The following RANGAP1 variants were observed in gnomAD, a reference collection of about 807,000 sequenced individuals.
The protein encoded by RANGAP1 is Ran GTPase activating protein 1.
A neutral mutation model predicts 63.5 loss-of-function variants in RANGAP1; 38 were observed. The observed-to-expected ratio is 0.60, with a 90% confidence interval of 0.46 to 0.78. RANGAP1 has a LOEUF of 0.78. Among genes scored for constraint, RANGAP1 ranks in the 30% least tolerant of loss-of-function variants. The probability of loss-of-function intolerance (pLI) is 0.00; values close to 1 mark genes in which losing one functional copy is unlikely to be tolerated. For missense variants in RANGAP1, 630 were observed against 740.3 expected (o/e 0.85, Z 1.73); for synonymous variants, 329 against 310.5 (o/e 1.06, Z -0.63).
chr22:41,256,627 GC>G, intron 8 of RANGAP1, 83 bp downstream of exon 8: 1 of 1,211,412 alleles, frequency 8.3e-7, no homozygotes, highest in Non-Finnish European at 1.2e-6. Flanking sequence ...AGGCCCACCT[GC>G]CTTCAGACCA....
At chr22:41,274,859 G>T in intron 2 of RANGAP1, 132 bp from the exon 3 acceptor site, 1 of 1,174,816 alleles carries the variant, frequency 8.5e-7, no homozygotes, top group Non-Finnish European at 1.2e-6. Context: ...TTGGCTTACA[G>T]AGAATCAGAC....
At chr22:41,297,480 G>A in the RANGAP1 span, among the ~76,000 whole-genome samples, 1 of 151,380 alleles carries the variant, frequency 6.6e-6, no homozygotes, top group Admixed American at 6.6e-5. Context: ...CACATCATGA[G>A]CCATCACAGA....
the RANGAP1 span, among the ~76,000 whole-genome samples, chr22:41,301,215 A>C: frequency 4.3e-3 from 650 of 151,758 alleles, 3 homozygotes; most frequent in Non-Finnish European, 7.5e-3. Flanking sequence ...CCATGAAAGC[A>C]CCTGGAAGCC....
chr22:41,301,031 C>T, the RANGAP1 span, among the ~76,000 whole-genome samples: 1 of 152,224 alleles, frequency 6.6e-6, no homozygotes, highest in Non-Finnish European at 1.5e-5. Context: ...GTGGTCCCTA[C>T]ACCCATCATG....
chr22:41,266,406 A>C (rs1472771974), intron 4 of RANGAP1, among the ~76,000 whole-genome samples: 1 of 152,248 alleles, frequency 6.6e-6, no homozygotes, highest in Non-Finnish European at 1.5e-5. Context: ...AAAAGAAAAC[A>C]AAAACCAAAA....
At chr22:41,264,515 C>T in intron 5 of RANGAP1, 149 bp downstream of exon 5, 1 of 1,078,566 alleles carries the variant, frequency 9.3e-7, no homozygotes, top group Non-Finnish European at 1.3e-6. Context: ...CCTCTACCCT[C>T]CGGCCACAGG....
rs542377472 is a variant in RANGAP1 at position 41,275,230 on chromosome 22, C to T, written c.113-503G>A. Among the ~76,000 whole-genome samples the T allele has an allele frequency of 1.5e-4, 23 of 152,306 alleles. No homozygotes were observed. In the East Asian group the frequency reaches 3.3e-3, roughly 22 times the overall value. On this transcript the variant is annotated intron_variant, in intron 2 of 15. Coordinates refer to ENST00000356244, the MANE Select transcript of RANGAP1 (RefSeq NM_002883.4). The stretch of plus-strand genomic sequence containing the variant: ...ACAGAAGACCCAGTGCAGTGGCTCA[C>T]GCCTGTAATCCCAGTACTTTGGGAG...
intron 12 of RANGAP1, among the ~76,000 whole-genome samples, chr22:41,252,521 C>T (rs2033531104): frequency 6.6e-6 from 1 of 152,086 alleles, no homozygotes; most frequent in Non-Finnish European, 1.5e-5. Context: ...TCCAAAGGAG[C>T]CCTGGGCAAC....
rs200548054 is a variant in RANGAP1, at chr22:41,261,473, G to A, written c.588C>T (p.Gly196=). 6.8e-6 allele frequency: 11 copies of A among 1,614,206 alleles called. No individual in the cohort carries two copies. The highest frequency in any genetic ancestry group is 3.3e-5 in the South Asian group (3 of 91,090). Residue 196 remains glycine, a synonymous_variant, in exon 6 of 16, where the codon GGC becomes GGT. Transcript: ENST00000356244. ...VAGRNRLEND[G]ATALAEAFRV... The stretch of plus-strand genomic sequence containing the variant: ...TAAAAGCTTCTGCCAAGGCAGTGGC[G>A]CCATCATTCTCCAGACGGTTTCTGC...
intron 2 of RANGAP1, among the ~76,000 whole-genome samples, chr22:41,278,826 CCCCGTCTCTA>C (rs2035309476): frequency 6.6e-6 from 1 of 152,162 alleles, no homozygotes; most frequent in Non-Finnish European, 1.5e-5. Context: ...CATGGCAAAA[CCCCGTCTCTA>C]CTAAAAATAC....
intron 4 of RANGAP1, 40 bp from the exon 5 acceptor site, chr22:41,264,883 C>T (rs1217880286): frequency 6.4e-7 from 1 of 1,569,362 alleles, no homozygotes; most frequent in Non-Finnish European, 8.7e-7. Flanking sequence ...CATAGACACC[C>T]AGCTTCTGTG....
At chr22:41,247,010 T>A (rs1327351938) in intron 15 of RANGAP1, among the ~76,000 whole-genome samples, 1 of 152,210 alleles carries the variant, frequency 6.6e-6, no homozygotes, top group East Asian at 1.9e-4. Context: ...ATCTGGATCA[T>A]AAGTAAATGG....
chr22:41,249,347 C>A lies in RANGAP1; in HGVS notation c.1677G>T (p.Leu559=). 6.2e-7 allele frequency: 1 copy of A among 1,607,866 alleles called. No individual in the cohort carries two copies. Among genetic ancestry groups the A allele is most frequent in the South Asian group, 1.1e-5 (1 of 90,402 alleles). The change falls in exon 15 of 16, where the codon CTG becomes CTT. Residue 559 remains leucine, a synonymous_variant. Coordinates refer to ENST00000356244, the MANE Select transcript of RANGAP1 (RefSeq NM_002883.4). The part of the protein sequence containing the change: ...DYFPKALAPL[L]LAFVTKPNSA... ...ACACTCACTTGGTCACGAACGCCAGCAGCAGGGGTGCAAGGGCCTTGGGGA... is the reference window on the plus strand; with the variant it reads ...ACACTCACTTGGTCACGAACGCCAGAAGCAGGGGTGCAAGGGCCTTGGGGA...
At position 41,257,895 on chromosome 22, in the gene RANGAP1, G is replaced by A. The variant is rs2033937577; in HGVS notation, c.774+53C>T. ...GAGCCCCAGCTTCCCTGGAAAGACA[G>A]CAGCCAGCCTCTATCTGGCGGGGCC... is the stretch of plus-strand genomic sequence containing the variant. On this transcript the variant is annotated intron_variant, in intron 7 of 15. Coordinates refer to ENST00000356244, the MANE Select transcript of RANGAP1 (RefSeq NM_002883.4). The surrounding 1 kb of genome is among the most constrained non-coding windows in gnomAD (Gnocchi z 4.0). 3 of 1,533,728 alleles carry A rather than the reference G, an allele frequency of 2.0e-6. No individual in the cohort carries two copies. The highest frequency in any genetic ancestry group is 1.4e-5 in the African/African-American group (1 of 73,032).
chr22:41,271,564 GGCACCCGTA>G (rs2034830800), intron 3 of RANGAP1, among the ~76,000 whole-genome samples: 1 of 151,948 alleles, frequency 6.6e-6, no homozygotes, highest in Non-Finnish European at 1.5e-5. Flanking sequence ...CATGGTGGCA[GGCACCCGTA>G]GTCCCAGCCA....
At chr22:41,251,419 A>C (rs925952681) in intron 12 of RANGAP1, among the ~76,000 whole-genome samples, 1 of 152,128 alleles carries the variant, frequency 6.6e-6, no homozygotes, top group Non-Finnish European at 1.5e-5. Flanking sequence ...TGAGGCGAAA[A>C]GTCTGAGACC....
At chr22:41,281,932 G>C (rs2035514834) in intron 1 of RANGAP1, 1 of 152,232 alleles carries the variant, frequency 6.6e-6, no homozygotes, top group African/African-American at 2.4e-5. Context: ...AGACCAGTCT[G>C]GGCAACATGG....
rs6002309 is a variant in RANGAP1 at position 41,274,265 on chromosome 22, C to T, written c.240+335G>A. On this transcript the variant is annotated intron_variant, in intron 3 of 15. Coordinates refer to ENST00000356244, the MANE Select transcript of RANGAP1 (RefSeq NM_002883.4). ...CAGAGGGTGGGTCTGTCAGAGCAGC[C>T]TCACAGTCAGAGGCTCCTGCTGGTT... 4.9e-3 allele frequency among the ~76,000 whole-genome samples: 751 copies of T among 152,356 alleles called. 6 individuals are homozygous for T. Among genetic ancestry groups the T allele is most frequent in the Middle Eastern group, 0.017 (5 of 294 alleles).
At chr22:41,267,088 A>G (rs181281850) in intron 4 of RANGAP1, among the ~76,000 whole-genome samples, 2 of 151,644 alleles carry the variant, frequency 1.3e-5, no homozygotes, top group Admixed American at 1.3e-4. Context: ...CATGTTGGCC[A>G]GGCTGGACTT....
Sources: gnomAD v4.1 joint callset for allele counts (sites outside exome capture counted in the v4.1 genomes callset) on GRCh38, gnomAD v4.1.1 for gene constraint, Gnocchi (gnomAD v3.1) non-coding constraint, MANE v1.5 for transcripts, NCBI Gene and HGNC (gene_info 2026-07-23, HGNC 2026-07-21) for gene names.